Variants in TEAD4 observed in about 807,000 individuals in gnomAD.
The protein encoded by TEAD4 is transcriptional enhancer factor TEF-3.
Under a neutral mutation model 52.4 loss-of-function variants are expected in TEAD4, and 36 were observed. That is an observed-to-expected ratio of 0.69 (90% CI 0.53 to 0.91). The LOEUF (loss-of-function observed/expected upper bound fraction) is 0.91. Among genes scored for constraint, TEAD4 ranks in the 40% least tolerant of loss-of-function variants. The pLI, the probability that TEAD4 is intolerant of heterozygous loss-of-function variation, is 0.00. For synonymous variants in TEAD4, 220 were observed against 231.0 expected (o/e 0.95, Z 0.43); for missense variants, 508 against 583.9 (o/e 0.87, Z 1.34).
At chr12:2,971,103 G>C (rs1281395414) in intron 2 of TEAD4, among the ~76,000 whole-genome samples, 1 of 152,228 alleles carries the variant, frequency 6.6e-6, no homozygotes, top group Non-Finnish European at 1.5e-5. Context: ...GGTGCAGCGG[G>C]AGTATGGAAC....
chr12:2,960,308 C>T (rs944282936), intron 2 of TEAD4: 1 of 985,502 alleles, frequency 1.0e-6, no homozygotes, highest in Non-Finnish European at 1.2e-6. Context: ...ACCCATGCCT[C>T]TTTTCTGCTG....
chr12:3,040,563 G>C lies in TEAD4; in HGVS notation c.*85G>C. 1 of 1,226,214 alleles carries C rather than the reference G, an allele frequency of 8.2e-7. No homozygotes were observed. Among genetic ancestry groups the C allele is most frequent in the Non-Finnish European group, 1.2e-6 (1 of 850,386 alleles). The allele number at this position is 1,226,214 out of a possible 1,614,324, so 76.0% of individuals were successfully genotyped here. On this transcript the variant is annotated 3_prime_UTR_variant, in exon 13 of 13. Transcript: ENST00000359864. ...AGGGGACCTGCAGGGGCAGCCCCCT[G>C]AAGTGCCAAGAGAGCTGAGAGGAGC...
At chr12:3,004,145 G>T (rs968107821) in intron 3 of TEAD4, among the ~76,000 whole-genome samples, 1 of 152,250 alleles carries the variant, frequency 6.6e-6, no homozygotes, top group Non-Finnish European at 1.5e-5. Context: ...TCAGGTCCAA[G>T]TAGTTGGATC....
intron 2 of TEAD4, among the ~76,000 whole-genome samples, chr12:2,973,089 A>G (rs2098226593): frequency 1.3e-5 from 2 of 149,710 alleles, no homozygotes; most frequent in South Asian, 2.1e-4. Context: ...AAATGGAATC[A>G]TGCAGTTACA....
rs556919901 is a variant in TEAD4, at chr12:3,031,371, T to C, written c.898-6597T>C. On this transcript the variant is annotated intron_variant, in intron 10 of 12. Transcript: ENST00000359864. ...GTCAGAGCGGAGACCCAGTTGGCAG[T>C]GGCAGGAAGCACTCATGGGAACACT... Among the ~76,000 whole-genome samples, 791 of 152,292 alleles carry C rather than the reference T, an allele frequency of 5.2e-3. 3 individuals are homozygous for C. Among genetic ancestry groups the C allele is most frequent in the African/African-American group, 0.017 (720 of 41,564 alleles).
intron 9 of TEAD4, among the ~76,000 whole-genome samples, chr12:3,021,027 T>C (rs945992036): frequency 6.6e-6 from 1 of 152,090 alleles, no homozygotes; most frequent in Non-Finnish European, 1.5e-5. Flanking sequence ...CCCTGTCCTG[T>C]GTTCCTCCTC....
chr12:2,999,350 G>A (rs151256777), intron 3 of TEAD4, among the ~76,000 whole-genome samples: 15 of 152,212 alleles, frequency 9.9e-5, no homozygotes, highest in African/African-American at 3.4e-4. Flanking sequence ...GGGCCGGCCC[G>A]GTGGGGTATG....
chr12:3,035,646 C>T, intron 10 of TEAD4, among the ~76,000 whole-genome samples: 1 of 151,898 alleles, frequency 6.6e-6, no homozygotes, highest in East Asian at 1.9e-4. Context: ...ACAGCGAGAC[C>T]CTGCCTCTAC....
In TEAD4 at chr12:2,994,257, G is replaced by A. The variant is rs2098245390; in HGVS notation, c.-29-481G>A. Among the ~76,000 whole-genome samples the A allele has an allele frequency of 6.6e-6, 1 of 152,102 alleles. No homozygotes were observed. The highest frequency in any genetic ancestry group is 6.6e-5 in the Admixed American group (1 of 15,260). ...CACCTGGCTAATTTTTGTATTTTTA[G>A]TAGAAACGGGGTTTCACCATGTTGG... On this transcript the variant is annotated intron_variant, in intron 2 of 12. Transcript: ENST00000359864. This position sits in a 1 kb window ranked among gnomAD's most constrained non-coding sequence, Gnocchi z 4.7.
intron 8 of TEAD4, 22 bp downstream of exon 8, chr12:3,019,192 C>T: frequency 1.2e-6 from 2 of 1,613,036 alleles, no homozygotes; most frequent in Non-Finnish European, 1.7e-6. Flanking sequence ...CTGCGTGGCC[C>T]CCTTTCTATC....
chr12:2,970,600 A>T (rs911189033), intron 2 of TEAD4, among the ~76,000 whole-genome samples: 1 of 152,196 alleles, frequency 6.6e-6, no homozygotes, highest in Non-Finnish European at 1.5e-5. Flanking sequence ...GGCCCTGTGG[A>T]GTTACTGATA....
At chr12:2,962,333 A>AAATATATATATAAATAT (rs1565518245) in intron 2 of TEAD4, among the ~76,000 whole-genome samples, 34 of 38,046 alleles carry the variant, frequency 8.9e-4, no homozygotes, top group Admixed American at 3.4e-3. Flanking sequence ...TATAAATATA[A>AAATATATATATAAATAT]ATATATATAT....
chr12:2,980,987 G>A (rs1160744438), intron 2 of TEAD4, among the ~76,000 whole-genome samples: 2 of 152,148 alleles, frequency 1.3e-5, no homozygotes, highest in African/African-American at 4.8e-5. Context: ...CTTCACCTTA[G>A]GAGCCTCAGC....
At chr12:3,010,713 G>A in intron 3 of TEAD4, among the ~76,000 whole-genome samples, 1 of 152,204 alleles carries the variant, frequency 6.6e-6, no homozygotes, top group East Asian at 1.9e-4. Context: ...AACGGTACCG[G>A]GGGTCAAGGG....
intron 2 of TEAD4, among the ~76,000 whole-genome samples, chr12:2,984,472 A>G (rs915409288): frequency 2.6e-5 from 4 of 152,118 alleles, no homozygotes; most frequent in African/African-American, 9.7e-5. Context: ...GGATGTGGTC[A>G]TTAGTTAGAT....
rs1591549325 is a variant in TEAD4 at position 2,963,094 on chromosome 12, G to A, written c.-30+3054G>A. 2.0e-5 allele frequency among the ~76,000 whole-genome samples: 3 copies of A among 152,200 alleles called. No individual in the cohort carries two copies. The East Asian group carries it at 5.8e-4, about 29-fold the overall frequency. On this transcript the variant is annotated intron_variant, in intron 2 of 12. Coordinates refer to ENST00000359864, the MANE Select transcript of TEAD4 (RefSeq NM_003213.4). ...AAGGAGCCATCTCACTGTAGAATCT[G>A]TGGAGTCGGGAAGGGGCCCTCGGGT...
At chr12:3,036,322 C>T (rs933436017) in intron 10 of TEAD4, among the ~76,000 whole-genome samples, 2 of 152,112 alleles carry the variant, frequency 1.3e-5, no homozygotes, top group South Asian at 4.1e-4. Flanking sequence ...TCCTTCTCAG[C>T]GTTTTTTTGT....
rs1335806997 is a variant in TEAD4 at position 2,959,898 on chromosome 12, G to C, written c.-122-50G>C. 1 of 151,958 alleles carries C rather than the reference G, an allele frequency of 6.6e-6. No individual in the cohort carries two copies. Among genetic ancestry groups the C allele is most frequent in the Non-Finnish European group, 1.5e-5 (1 of 68,000 alleles). The allele number at this position is 151,958 out of a possible 1,614,324, so 9.4% of individuals were successfully genotyped here. Reference sequence around the variant, plus strand: ...CCCGCCTTCACTGCGCCGCCCGTCGGCCCCGGCCGGAGCCCGGCTCTGCGC... The same window carrying C: ...CCCGCCTTCACTGCGCCGCCCGTCGCCCCCGGCCGGAGCCCGGCTCTGCGC... On this transcript the variant is annotated intron_variant, in intron 1 of 12. Coordinates refer to ENST00000359864, the MANE Select transcript of TEAD4 (RefSeq NM_003213.4). This position sits in a 1 kb window ranked among gnomAD's most constrained non-coding sequence, Gnocchi z 5.1.
At chr12:2,997,530 G>T (rs2098248185) in intron 3 of TEAD4, among the ~76,000 whole-genome samples, 1 of 148,830 alleles carries the variant, frequency 6.7e-6, no homozygotes, top group Non-Finnish European at 1.5e-5. Context: ...GGTGTGAAAT[G>T]AGAAAGGGCA....
Sources: gnomAD v4.1 joint callset for allele counts (sites outside exome capture counted in the v4.1 genomes callset) on GRCh38, gnomAD v4.1.1 for gene constraint, Gnocchi (gnomAD v3.1) non-coding constraint, MANE v1.5 for transcripts, NCBI Gene and HGNC (gene_info 2026-07-23, HGNC 2026-07-21) for gene names.